Variants in TNK2 observed in about 807,000 individuals in gnomAD.
TNK2 encodes the protein activated CDC42 kinase 1.
A neutral mutation model predicts 101.8 loss-of-function variants in TNK2; 83 were observed. The ratio of observed to expected loss-of-function variants is 0.82; its 90% confidence interval spans 0.68 to 0.98. The LOEUF is 0.98. TNK2 is among the 50% of genes least tolerant of loss of function. The probability of loss-of-function intolerance (pLI) is 0.00; values close to 1 mark genes in which losing one functional copy is unlikely to be tolerated. For missense variants in TNK2, 1,665 were observed against 1,483.2 expected (o/e 1.12, Z -2.01); for synonymous variants, 804 against 633.0 (o/e 1.27, Z -4.06).
In TNK2 at chr3:195,884,750, A is replaced by G. The variant is rs1423489803; in HGVS notation, c.456+62T>C. On this transcript the variant is annotated intron_variant, in intron 4 of 15. Transcript: ENST00000672887. ...CATCCACACCCTGGTTGGGGGCAGA[A>G]GAGCCACTACCAGCCCCGGGTCCCA... The G allele has an allele frequency of 2.0e-6, 3 of 1,480,242 alleles. No homozygotes were observed. The African/African-American group carries it at 4.2e-5, about 21-fold the overall frequency. The allele number at this position is 1,480,242 out of a possible 1,614,324, so 91.7% of individuals were successfully genotyped here. A position where few individuals can be genotyped will look rare whatever the true frequency, so the allele number is the denominator to read the frequency against.
chr3:195,872,151 T>G, intron 10 of TNK2, 125 bp downstream of exon 10: 6 of 1,073,620 alleles, frequency 5.6e-6, no homozygotes, highest in East Asian at 5.5e-5. Flanking sequence ...GAGGGGAGAG[T>G]GGCGGGTCGG....
intron 15 of TNK2, among the ~76,000 whole-genome samples, chr3:195,865,022 G>A (rs1210413524): frequency 4.3e-3 from 324 of 75,486 alleles, no homozygotes; most frequent in Middle Eastern, 0.026. Context: ...CCTGCGTCCC[G>A]GGTGCAAATC....
chr3:195,885,180 C>A lies in TNK2; in HGVS notation c.235-147G>T. 9.8e-7 allele frequency: 1 copy of A among 1,021,366 alleles called. No individual in the cohort carries two copies. Among genetic ancestry groups the A allele is most frequent in the Non-Finnish European group, 1.4e-6 (1 of 712,156 alleles). 63.3% of individuals were successfully genotyped at this position (1,021,366 alleles called of 1,614,324 possible). On this transcript the variant is annotated intron_variant, in intron 3 of 15. Transcript: ENST00000672887. The surrounding 1 kb of genome is among the most constrained non-coding windows in gnomAD (Gnocchi z 4.7). ...CCAAACTGTCAGTGGGGCAGCCTGG[C>A]TGGAGGCCCACACTCCGTCCAGGGC...
At position 195,878,998 on chromosome 3, in the gene TNK2, G is replaced by A. The variant is rs1479917058; in HGVS notation, c.1014+51C>T. 1 of 1,597,024 alleles carries A rather than the reference G, an allele frequency of 6.3e-7. No individual in the cohort carries two copies. The highest frequency in any genetic ancestry group is 1.3e-5 in the African/African-American group (1 of 74,730). ...CCAGCAGGGCCAGGCTGCAAGCAGGGAATGGAATTCACCCCACCAGCCCTA... is the reference window on the plus strand; with the variant it reads ...CCAGCAGGGCCAGGCTGCAAGCAGGAAATGGAATTCACCCCACCAGCCCTA... On this transcript the variant is annotated intron_variant, in intron 7 of 15. Coordinates refer to ENST00000672887, the MANE Select transcript of TNK2 (RefSeq NM_001382273.1). The surrounding 1 kb of genome is among the most constrained non-coding windows in gnomAD (Gnocchi z 4.7).
intron 1 of TNK2, among the ~76,000 whole-genome samples, chr3:195,900,870 G>A (rs529241957): frequency 6.6e-6 from 1 of 152,180 alleles, no homozygotes; most frequent in Non-Finnish European, 1.5e-5. Context: ...TCGTCATCCT[G>A]CCTGCTGCCA....
chr3:195,892,588 G>C (rs1338035489), intron 1 of TNK2: 1 of 1,462,892 alleles, frequency 6.8e-7, no homozygotes, highest in Non-Finnish European at 9.0e-7. Flanking sequence ...TCCCACACCA[G>C]GGGTGGGAAA....
At position 195,879,220 on chromosome 3, in the gene TNK2, C is replaced by T. The variant is rs758255881; in HGVS notation, c.888-45G>A. 6.8e-6 allele frequency: 11 copies of T among 1,607,964 alleles called. No homozygotes were observed. In the East Asian group the frequency reaches 2.2e-4, roughly 33 times the overall value. On this transcript the variant is annotated intron_variant, in intron 6 of 15. Coordinates refer to ENST00000672887, the MANE Select transcript of TNK2 (RefSeq NM_001382273.1). ...AAGAGAAGCCCTCTCAAACACCCTA[C>T]CTGCGTCCGCCCCAGGGACTTAAAA...
intron 1 of TNK2, among the ~76,000 whole-genome samples, chr3:195,889,243 CCT>C (rs1325023108): frequency 7.9e-5 from 12 of 152,094 alleles, no homozygotes; most frequent in South Asian, 2.1e-4. Context: ...CGCAGACACC[CCT>C]GTCAACAGGG....
At chr3:195,872,059 TG>T (rs888933134) in intron 10 of TNK2, among the ~76,000 whole-genome samples, 2 of 148,170 alleles carry the variant, frequency 1.3e-5, no homozygotes, top group Admixed American at 6.6e-5. Context: ...AACACTCCCC[TG>T]GAGAACATTC....
At chr3:195,896,438 G>T in intron 1 of TNK2, 1 of 280,742 alleles carries the variant, frequency 3.6e-6, no homozygotes, top group South Asian at 2.6e-5. Flanking sequence ...CACACCCCAA[G>T]CACACCAGGG....
Position 195,870,009 on chromosome 3 carries a change from C to T in TNK2, c.1543+105G>A, listed in dbSNP as rs1743892888. 3 of 916,514 alleles carry T rather than the reference C, an allele frequency of 3.3e-6. No homozygotes were observed. The South Asian group carries it at 5.8e-5, about 18-fold the overall frequency. 56.8% of individuals were successfully genotyped at this position (916,514 alleles called of 1,614,324 possible). A position where few individuals can be genotyped will look rare whatever the true frequency, so the allele number is the denominator to read the frequency against. On this transcript the variant is annotated intron_variant, in intron 11 of 15. Coordinates refer to ENST00000672887, the MANE Select transcript of TNK2 (RefSeq NM_001382273.1). ...TGTCCCGCCTGCTGCCCTGACCCCACTGTCCCCAAAAACAGAACAGCAGCC... is the reference window on the plus strand; with the variant it reads ...TGTCCCGCCTGCTGCCCTGACCCCATTGTCCCCAAAAACAGAACAGCAGCC...
chr3:195,902,799 G>GCGCAC (rs1761348951), intron 1 of TNK2, among the ~76,000 whole-genome samples: 1 of 151,910 alleles, frequency 6.6e-6, no homozygotes, highest in South Asian at 2.1e-4. Context: ...ACCCAGACTG[G>GCGCAC]AGTGCAGTGG....
At chr3:195,897,819 C>T in intron 1 of TNK2, among the ~76,000 whole-genome samples, 3 of 4,592 alleles carry the variant, frequency 6.5e-4, no homozygotes, top group African/African-American at 4.5e-3. Context: ...CACCCCCCCA[C>T]CCCCCCCCCA....
chr3:195,865,926 C>T (rs912566111), intron 15 of TNK2, among the ~76,000 whole-genome samples: 2 of 152,188 alleles, frequency 1.3e-5, no homozygotes, highest in Non-Finnish European at 2.9e-5. Flanking sequence ...GGAGAAACTC[C>T]GCACCGTGCA....
chr3:195,873,468 G>A (rs1242081408), intron 9 of TNK2, among the ~76,000 whole-genome samples: 5 of 151,122 alleles, frequency 3.3e-5, no homozygotes, highest in Non-Finnish European at 5.9e-5. Context: ...AGGCGGGGGC[G>A]GTGAGAGCCC....
rs1334048369 is a variant in TNK2 at position 195,882,527 on chromosome 3, C to A, written c.610-199G>T. On this transcript the variant is annotated intron_variant, in intron 5 of 15. Coordinates refer to ENST00000672887, the MANE Select transcript of TNK2 (RefSeq NM_001382273.1). This position sits in a 1 kb window ranked among gnomAD's most constrained non-coding sequence, Gnocchi z 4.2. ...CTCGAGGCAATTTGGGAAACTGATG[C>A]CTAGAGAGAAGGAGCCCAAAGAGGC... 1 of 1,533,188 alleles carries A rather than the reference C, an allele frequency of 6.5e-7. No individual in the cohort carries two copies. Among genetic ancestry groups the A allele is most frequent in the East Asian group, 2.5e-5 (1 of 40,684 alleles). The allele number at this position is 1,533,188 out of a possible 1,614,324, so 95.0% of individuals were successfully genotyped here.
rs552362289 is a variant in TNK2, at chr3:195,888,096, C to CG, written c.163+329dup. Among the ~76,000 whole-genome samples the CG allele has an allele frequency of 7.5e-3, 1,145 of 152,110 alleles. 14 individuals are homozygous for CG. The highest frequency in any genetic ancestry group is 0.026 in the African/African-American group (1,074 of 41,454). On this transcript the variant is annotated intron_variant, in intron 2 of 15. Transcript: ENST00000672887. The surrounding 1 kb of genome is among the most constrained non-coding windows in gnomAD (Gnocchi z 5.3). ...TACAGATCTCTGCACATGGACCCCC[C>CG]GGTAGTCAGAATGATGAGAACAGAC...
chr3:195,905,594 C>T (rs953899806), intron 1 of TNK2, among the ~76,000 whole-genome samples: 10 of 151,786 alleles, frequency 6.6e-5, no homozygotes, highest in Admixed American at 1.3e-4. Flanking sequence ...TCTCTACATG[C>T]AAAAAACTGG....
chr3:195,897,564 C>T (rs528255633), intron 1 of TNK2, among the ~76,000 whole-genome samples: 7 of 152,300 alleles, frequency 4.6e-5, no homozygotes, highest in South Asian at 4.1e-4. Context: ...TGCAGTGGTG[C>T]GATCTTGGCT....
Sources: gnomAD v4.1 joint callset for allele counts (sites outside exome capture counted in the v4.1 genomes callset) on GRCh38, gnomAD v4.1.1 for gene constraint, Gnocchi (gnomAD v3.1) non-coding constraint, MANE v1.5 for transcripts, NCBI Gene and HGNC (gene_info 2026-07-23, HGNC 2026-07-21) for gene names.